Variants in COL4A5 observed in about 807,000 individuals in gnomAD.
COL4A5 encodes collagen type IV alpha 5 chain.
In COL4A5, 26 loss-of-function variants were observed where a neutral mutation model predicts 130.2. The observed-to-expected ratio is 0.20, with a 90% confidence interval of 0.15 to 0.28. COL4A5 has a LOEUF of 0.28. Ranked by LOEUF, COL4A5 falls within the 10% of genes least tolerant of loss-of-function variation. The pLI is 1.00. For missense variants in COL4A5, 1,131 were observed against 1,344.3 expected, an observed-to-expected ratio of 0.84 and a Z score of 2.48; for synonymous variants, 496 against 439.6, an observed-to-expected ratio of 1.13 and a Z score of -1.60.
Position 108,598,758 on chromosome X carries a change from C to T in COL4A5, c.1836C>T (p.Gly612=), listed in dbSNP as rs1305352956. The change falls in exon 25 of 53, where the codon GGC becomes GGT. Residue 612 remains glycine (G), a synonymous_variant. Coordinates refer to ENST00000328300, the MANE Select transcript of COL4A5 (RefSeq NM_033380.3). Reference sequence around the variant, plus strand: ...CCCCTGGGAACCCAGGTTTACCAGGCCTCCCAGGGAATATAGGGCCTATGG... The same window carrying T: ...CCCCTGGGAACCCAGGTTTACCAGGTCTCCCAGGGAATATAGGGCCTATGG... ...RGPPGNPGLP[G]LPGNIGPMGP... The T allele has an allele frequency of 1.7e-6, 2 of 1,209,892 alleles. No homozygotes were observed. Among genetic ancestry groups the T allele is most frequent in the East Asian group, 3.0e-5 (1 of 33,832 alleles).
chrX:108,552,440 G>C (rs1385177447), intron 2 of COL4A5, among the ~76,000 whole-genome samples: 1 of 111,041 alleles, frequency 9.0e-6, no homozygotes, highest in African/African-American at 3.3e-5. Context: ...GGAATATTAT[G>C]AATAAAGTTG....
chrX:108,477,769 T>C (rs1191030301), intron 1 of COL4A5, among the ~76,000 whole-genome samples: 1 of 98,638 alleles, frequency 1.0e-5, no homozygotes, highest in East Asian at 3.1e-4. Flanking sequence ...TGAGCTGAGA[T>C]CGCGCCACTG....
chrX:108,676,233 T>A (rs2068299336), intron 43 of COL4A5, among the ~76,000 whole-genome samples: 1 of 112,464 alleles, frequency 8.9e-6, no homozygotes, highest in South Asian at 3.7e-4. Flanking sequence ...TCCCTACATA[T>A]CTTCATTTTT....
intron 36 of COL4A5, among the ~76,000 whole-genome samples, chrX:108,640,617 A>G (rs2067444537): frequency 9.0e-6 from 1 of 111,729 alleles, no homozygotes; most frequent in African/African-American, 3.3e-5. Flanking sequence ...GGATATGAGT[A>G]TAAGGTTTCC....
chrX:108,646,684 G>A (rs1216583502), intron 36 of COL4A5, among the ~76,000 whole-genome samples: 2 of 111,499 alleles, frequency 1.8e-5, no homozygotes, highest in Non-Finnish European at 3.8e-5. Context: ...GTATTGCCTA[G>A]GTTTTCTTCT....
chrX:108,576,580 A>G lies in COL4A5; in HGVS notation c.609+608A>G, dbSNP rs1475744227. 4.4e-5 allele frequency among the ~76,000 whole-genome samples: 5 copies of G among 112,363 alleles called. No individual in the cohort carries two copies. The East Asian group carries it at 1.4e-3, about 31-fold the overall frequency. ...TTCTGCAATACTTAGATTTCATTCA[A>G]GTCATGTTTTGGACTTACAGCTTTG... On this transcript the variant is annotated intron_variant, in intron 10 of 52. Coordinates refer to ENST00000328300, the MANE Select transcript of COL4A5 (RefSeq NM_033380.3).
At chrX:108,506,302 TTGA>T (rs1472872754) in intron 1 of COL4A5, among the ~76,000 whole-genome samples, 1 of 110,858 alleles carries the variant, frequency 9.0e-6, no homozygotes, top group Non-Finnish European at 1.9e-5. Flanking sequence ...TGTTACTTCT[TTGA>T]TAATTGTTTT....
intron 41 of COL4A5, among the ~76,000 whole-genome samples, chrX:108,669,096 C>T (rs1286308398): frequency 4.5e-5 from 5 of 112,091 alleles, no homozygotes; most frequent in African/African-American, 1.6e-4. Context: ...CCTCATTTGT[C>T]TTGTGTTCAC....
intron 1 of COL4A5, among the ~76,000 whole-genome samples, chrX:108,472,675 CT>C (rs1245307180): frequency 3.6e-5 from 4 of 111,719 alleles, no homozygotes; most frequent in Admixed American, 9.5e-5. Context: ...CCTGGGATAT[CT>C]TTTTTTCTTT....
intron 1 of COL4A5, among the ~76,000 whole-genome samples, chrX:108,447,072 C>G (rs1222312425): frequency 9.0e-6 from 1 of 110,980 alleles, no homozygotes; most frequent in Non-Finnish European, 1.9e-5. Flanking sequence ...TCTCCCTCCC[C>G]CAGAAGAGTT....
At position 108,598,716 on chromosome X, in the gene COL4A5, T is replaced by C. The variant is rs1429340221; in HGVS notation, c.1794T>C (p.Phe598=). Residue 598 remains phenylalanine (F), a synonymous_variant, in exon 25 of 53, where the codon TTT becomes TTC. Transcript: ENST00000328300. ...GPKGEPGGIT[F]KGERGPPGNP... Reference sequence around the variant, plus strand: ...TCCCTTTTTAGGGTGGAATTACTTTTAAGGGTGAAAGAGGTCCCCCTGGGA... The same window carrying C: ...TCCCTTTTTAGGGTGGAATTACTTTCAAGGGTGAAAGAGGTCCCCCTGGGA... The C allele has an allele frequency of 2.5e-6, 3 of 1,208,638 alleles. No homozygotes were observed. Among genetic ancestry groups the C allele is most frequent in the Non-Finnish European group, 2.2e-6 (2 of 894,175 alleles).
rs2064880549 is a variant in COL4A5, at chrX:108,480,707, C to T, written c.81+40501C>T. Among the ~76,000 whole-genome samples, 5 of 112,665 alleles carry T rather than the reference C, an allele frequency of 4.4e-5. No homozygotes were observed. The Admixed American group carries it at 4.7e-4, about 10-fold the overall frequency. The stretch of plus-strand genomic sequence containing the variant: ...TAATTTGCTCAAGCAATGAAACACA[C>T]CTGGTACAGCAGATGCAATTGGAGT... On this transcript the variant is annotated intron_variant, in intron 1 of 52. Coordinates refer to ENST00000328300, the MANE Select transcript of COL4A5 (RefSeq NM_033380.3).
chrX:108,521,683 G>A (rs1310651935), intron 1 of COL4A5, among the ~76,000 whole-genome samples: 1 of 111,318 alleles, frequency 9.0e-6, no homozygotes, highest in Non-Finnish European at 1.9e-5. Context: ...GTTTGCTGGT[G>A]TCTATAAAAC....
chrX:108,623,531 G>A (rs2067097226), intron 33 of COL4A5, among the ~76,000 whole-genome samples: 1 of 111,419 alleles, frequency 9.0e-6, no homozygotes, highest in African/African-American at 3.3e-5. Context: ...AAAGCACTTG[G>A]CACCCAATCT....
At chrX:108,667,855 T>C (rs1191469979) in intron 40 of COL4A5, among the ~76,000 whole-genome samples, 2 of 111,125 alleles carry the variant, frequency 1.8e-5, no homozygotes. Context: ...TTGAGAACAA[T>C]TTTGCTAGAC....
intron 1 of COL4A5, among the ~76,000 whole-genome samples, chrX:108,526,600 CTTTCTTTCTTTCTTTCTTTCTTTCT>C (rs2065317338): frequency 2.1e-4 from 5 of 23,303 alleles, no homozygotes; most frequent in African/African-American, 1.0e-3. Context: ...TCCCTCCTTT[CTTTCTTTCTTTCTTTCTTTCTTTCT>C]TTCTTTCTTT....
chrX:108,519,847 TG>T (rs1294227613), intron 1 of COL4A5, among the ~76,000 whole-genome samples: 5 of 111,427 alleles, frequency 4.5e-5, no homozygotes, highest in Non-Finnish European at 9.5e-5. Flanking sequence ...TTTCTGATTT[TG>T]TTTATGGTAC....
chrX:108,525,477 T>G (rs1380917178), intron 1 of COL4A5, among the ~76,000 whole-genome samples: 1 of 111,454 alleles, frequency 9.0e-6, no homozygotes, highest in Non-Finnish European at 1.9e-5. Context: ...TCCATGCACA[T>G]TCAATGTTAT....
intron 47 of COL4A5, among the ~76,000 whole-genome samples, chrX:108,685,499 C>A (rs1055732266): frequency 8.9e-6 from 1 of 112,154 alleles, no homozygotes; most frequent in African/African-American, 3.2e-5. Context: ...CATTTAAGAT[C>A]TGGTGCTTTC....
Sources: allele counts gnomAD v4.1 joint callset (sites outside exome capture counted in the v4.1 genomes callset), GRCh38; gene constraint gnomAD v4.1.1; transcripts MANE v1.5; gene names NCBI Gene and HGNC (gene_info 2026-07-23, HGNC 2026-07-21).